The following ARHGEF9 variants were observed in gnomAD, a reference collection of about 807,000 sequenced individuals.
The protein encoded by ARHGEF9 is rho guanine nucleotide exchange factor 9.
ARHGEF9 carries 2 observed loss-of-function variants against 41.3 expected under a neutral mutation model. That is an observed-to-expected ratio of 0.05 (90% CI 0.02 to 0.15). The LOEUF (loss-of-function observed/expected upper bound fraction) is 0.15, where lower values mean the gene tolerates loss of function less well. ARHGEF9 is among the 10% of genes least tolerant of loss of function. The pLI, the probability that ARHGEF9 is intolerant of heterozygous loss-of-function variation, is 1.00. For synonymous variants in ARHGEF9, 160 were observed against 154.4 expected (o/e 1.04, Z -0.27); for missense variants, 225 against 424.7 (o/e 0.53, Z 4.13).
At chrX:63,731,564 T>TG (rs1475760822) in intron 1 of ARHGEF9, among the ~76,000 whole-genome samples, 1 of 99,317 alleles carries the variant, frequency 1.0e-5, no homozygotes, top group Non-Finnish European at 2.0e-5. Flanking sequence ...TTTTTTTTTT[T>TG]TTTTTTTTTT....
At chrX:63,714,073 T>G in intron 2 of ARHGEF9, among the ~76,000 whole-genome samples, 1 of 111,781 alleles carries the variant, frequency 8.9e-6, no homozygotes, top group Non-Finnish European at 1.9e-5. Context: ...GAATATACTG[T>G]TTTTGCATTC....
chrX:63,689,308 C>T (rs1183900957), intron 4 of ARHGEF9, among the ~76,000 whole-genome samples: 5 of 111,627 alleles, frequency 4.5e-5, no homozygotes, highest in African/African-American at 1.6e-4. Flanking sequence ...GAAAAAGATA[C>T]TGCGTACAAA....
intron 2 of ARHGEF9, among the ~76,000 whole-genome samples, chrX:63,720,257 G>A (rs1394069911): frequency 5.4e-5 from 6 of 111,900 alleles, no homozygotes; most frequent in African/African-American, 1.9e-4. Flanking sequence ...GATGTTTAAA[G>A]AAATGTCAGG....
chrX:63,768,909 G>T (rs1452135542), intron 1 of ARHGEF9, among the ~76,000 whole-genome samples: 1 of 111,762 alleles, frequency 8.9e-6, no homozygotes, highest in African/African-American at 3.3e-5. Flanking sequence ...TTTGTAAATT[G>T]CCCAGTTTCA....
intron 1 of ARHGEF9, among the ~76,000 whole-genome samples, chrX:63,768,488 C>T (rs1362767183): frequency 8.9e-6 from 1 of 112,245 alleles, no homozygotes; most frequent in Non-Finnish European, 1.9e-5. Context: ...TCCCTCTGGG[C>T]AGATACCCAG....
At chrX:63,753,063 C>T (rs2055749760) in intron 1 of ARHGEF9, among the ~76,000 whole-genome samples, 1 of 112,605 alleles carries the variant, frequency 8.9e-6, no homozygotes, top group Admixed American at 9.3e-5. Flanking sequence ...ATTATACAGA[C>T]TGGCATGAGA....
intron 1 of ARHGEF9, among the ~76,000 whole-genome samples, chrX:63,773,057 A>T (rs1678109799): frequency 9.0e-6 from 1 of 111,684 alleles, no homozygotes; most frequent in African/African-American, 3.3e-5. Flanking sequence ...TGGCAATAGG[A>T]TCTCTTAGAG....
At chrX:63,710,719 T>C (rs781783986) in intron 2 of ARHGEF9, among the ~76,000 whole-genome samples, 12 of 111,426 alleles carry the variant, frequency 1.1e-4, no homozygotes, top group African/African-American at 2.3e-4. Flanking sequence ...AAATCCATAG[T>C]TAATATCATA....
chrX:63,645,024 C>T (rs2047915649), intron 8 of ARHGEF9, among the ~76,000 whole-genome samples: 1 of 109,955 alleles, frequency 9.1e-6, no homozygotes, highest in African/African-American at 3.3e-5. Flanking sequence ...ATCCTCCCAC[C>T]TCAGCCTCCC....
rs782189570 is a variant in ARHGEF9, at chrX:63,636,389, T to C, written c.*1639A>G. The stretch of plus-strand genomic sequence containing the variant: ...GGAAAAACAGGTACTCCAACATCCA[T>C]AGGAAGCCTGCCTCCTTGTGAAAGA... On this transcript the variant is annotated 3_prime_UTR_variant, in exon 10 of 10. Transcript: ENST00000671741. 2 of 111,965 alleles carry C rather than the reference T, an allele frequency of 1.8e-5. No individual in the cohort carries two copies. The highest frequency in any genetic ancestry group is 1.9e-5 in the Non-Finnish European group (1 of 53,490). 9.2% of individuals were successfully genotyped at this position (111,965 alleles called of 1,213,427 possible).
chrX:63,651,554 A>G (rs1180015252), intron 8 of ARHGEF9, among the ~76,000 whole-genome samples: 3 of 111,651 alleles, frequency 2.7e-5, no homozygotes, highest in Non-Finnish European at 5.7e-5. Context: ...CCTTTCTCAC[A>G]TCATATAAAA....
chrX:63,770,052 G>T (rs1247532834), intron 1 of ARHGEF9, among the ~76,000 whole-genome samples: 1 of 111,663 alleles, frequency 9.0e-6, no homozygotes, highest in African/African-American at 3.3e-5. Flanking sequence ...TGCATCTTGT[G>T]CCTAAAAAAG....
intron 8 of ARHGEF9, among the ~76,000 whole-genome samples, chrX:63,649,288 C>T (rs1295460329): frequency 9.0e-6 from 1 of 111,120 alleles, no homozygotes; most frequent in Non-Finnish European, 1.9e-5. Flanking sequence ...AAGAAACTCA[C>T]TCAAAACCGC....
rs2047294382 is a variant in ARHGEF9 at position 63,635,911 on chromosome X, T to C, written c.*2117A>G. On this transcript the variant is annotated 3_prime_UTR_variant, in exon 10 of 10. Transcript: ENST00000671741. ...AGACAGGATATTTTAGCCTGGGTGC[T>C]GGGCACCAGGACCCTTGCCAAAGAG... The C allele has an allele frequency of 7.6e-6, 1 of 132,154 alleles. No individual in the cohort carries two copies. The highest frequency in any genetic ancestry group is 2.7e-4 in the South Asian group (1 of 3,753). 10.9% of individuals were successfully genotyped at this position (132,154 alleles called of 1,213,427 possible).
At chrX:63,694,406 C>A (rs1401763995) in intron 4 of ARHGEF9, among the ~76,000 whole-genome samples, 1 of 111,935 alleles carries the variant, frequency 8.9e-6, no homozygotes, top group Admixed American at 9.5e-5. Context: ...AAATATTGTA[C>A]TAGAATGTTC....
intron 1 of ARHGEF9, among the ~76,000 whole-genome samples, chrX:63,782,516 G>A (rs1556462845): frequency 8.9e-6 from 1 of 112,330 alleles, no homozygotes; most frequent in Non-Finnish European, 1.9e-5. Flanking sequence ...TTAGCATCCT[G>A]TATCTATGAG....
chrX:63,645,436 T>C (rs1469001407), intron 8 of ARHGEF9, among the ~76,000 whole-genome samples: 1 of 111,181 alleles, frequency 9.0e-6, no homozygotes, highest in Admixed American at 9.6e-5. Context: ...TGTCCATGTG[T>C]TCTCATTGTT....
chrX:63,781,026 T>C (rs1216340636), intron 1 of ARHGEF9, among the ~76,000 whole-genome samples: 2 of 112,050 alleles, frequency 1.8e-5, no homozygotes, highest in Non-Finnish European at 3.8e-5. Context: ...GTGTGACCAA[T>C]TGTAGTTTTA....
rs1312407510 is a variant in ARHGEF9, at chrX:63,649,071, G to T, written c.1322-5023C>A. On this transcript the variant is annotated intron_variant, in intron 8 of 9. Transcript: ENST00000671741. ...ACAAAAAGTTAACAAGGATATCCAG[G>T]AATTGAACTCAGCTCTGCACCAAGC... Among the ~76,000 whole-genome samples, 4 of 111,267 alleles carry T rather than the reference G, an allele frequency of 3.6e-5. No individual in the cohort carries two copies. The South Asian group carries it at 1.5e-3, about 43-fold the overall frequency.
Sources: allele counts gnomAD v4.1 joint callset (sites outside exome capture counted in the v4.1 genomes callset), GRCh38; gene constraint gnomAD v4.1.1; transcripts MANE v1.5; gene names NCBI Gene and HGNC (gene_info 2026-07-23, HGNC 2026-07-21).